PSMD14: variants seen among roughly 807,000 people sequenced by gnomAD.
PSMD14 encodes the protein ubiquitin C-terminal hydrolase PSMD14.
In PSMD14, 7 loss-of-function variants were observed where a neutral mutation model predicts 41.2. The observed-to-expected ratio is 0.17, with a 90% CI of 0.10 to 0.32. The LOEUF (loss-of-function observed/expected upper bound fraction) is 0.32. Among genes scored for constraint, PSMD14 ranks in the 10% least tolerant of loss-of-function variants. The pLI is 1.00. For synonymous variants in PSMD14, 114 were observed against 122.3 expected (o/e 0.93, Z 0.45); for missense variants, 139 against 375.6 (o/e 0.37, Z 5.21).
At position 161,370,183 on chromosome 2, in the gene PSMD14, C is replaced by A. The variant is rs1357970459; in HGVS notation, c.311+6C>A. 6.5e-7 allele frequency: 1 copy of A among 1,546,920 alleles called. No individual in the cohort carries two copies. Among genetic ancestry groups the A allele is most frequent in the Non-Finnish European group, 8.8e-7 (1 of 1,138,258 alleles). The stretch of plus-strand genomic sequence containing the variant: ...ATGTTGAAGCAGACAGGAAGGTAAG[C>A]ATTTTAAATGATCAGTTAAAGAAAT... On this transcript the variant is annotated splice_donor_region_variant and intron_variant, in intron 6 of 11. Coordinates refer to ENST00000409682, the MANE Select transcript of PSMD14 (RefSeq NM_005805.6).
chr2:161,346,162 C>T lies in PSMD14; in HGVS notation c.49-21316C>T, dbSNP rs750489415. ...CCTCCCGAAGTGCTGGGATTATAGGCGTGAGCCACCGTGCTCGGCCATTTA... is the reference window on the plus strand; with the variant it reads ...CCTCCCGAAGTGCTGGGATTATAGGTGTGAGCCACCGTGCTCGGCCATTTA... On this transcript the variant is annotated intron_variant, in intron 3 of 11. Transcript: ENST00000409682. 4.7e-4 allele frequency among the ~76,000 whole-genome samples: 72 copies of T among 152,314 alleles called. 1 individual carries two copies. The highest frequency in any genetic ancestry group is 7.6e-4 in the Non-Finnish European group (52 of 68,034).
At chr2:161,373,908 A>T in intron 7 of PSMD14, among the ~76,000 whole-genome samples, 1 of 151,928 alleles carries the variant, frequency 6.6e-6, no homozygotes, top group Middle Eastern at 3.2e-3. Flanking sequence ...TATTGTGAAT[A>T]ACCATTTCAA....
chr2:161,340,986 T>A, intron 3 of PSMD14: 1 of 1,612,366 alleles, frequency 6.2e-7, no homozygotes, highest in African/African-American at 1.3e-5. Flanking sequence ...CTCCTCTTCC[T>A]GCCTCGCCTC....
intron 7 of PSMD14, among the ~76,000 whole-genome samples, chr2:161,379,456 T>G (rs1683546314): frequency 6.6e-6 from 1 of 152,058 alleles, no homozygotes; most frequent in South Asian, 2.1e-4. Context: ...CTTATTGTAA[T>G]TAGGAATTTC....
At chr2:161,388,184 G>T (rs1683657781) in intron 8 of PSMD14, among the ~76,000 whole-genome samples, 1 of 152,130 alleles carries the variant, frequency 6.6e-6, no homozygotes, top group East Asian at 1.9e-4. Context: ...ATAGATGCAT[G>T]TGCTAAGGCT....
chr2:161,402,549 G>A (rs1683894712), intron 10 of PSMD14, among the ~76,000 whole-genome samples: 1 of 152,066 alleles, frequency 6.6e-6, no homozygotes, highest in African/African-American at 2.4e-5. Context: ...GTTGAGGTGG[G>A]AGGATCACCG....
intron 7 of PSMD14, among the ~76,000 whole-genome samples, chr2:161,376,038 G>A (rs1296529362): frequency 6.6e-6 from 1 of 150,844 alleles, no homozygotes; most frequent in Admixed American, 6.6e-5. Flanking sequence ...AGGTTTTTAA[G>A]TACTCAGTTT....
intron 3 of PSMD14, among the ~76,000 whole-genome samples, chr2:161,359,919 G>A (rs1683265914): frequency 1.3e-5 from 2 of 152,144 alleles, no homozygotes; most frequent in African/African-American, 4.8e-5. Context: ...ATGTATATTT[G>A]ATTACCTCAC....
chr2:161,369,322 A>G (rs973197538), intron 5 of PSMD14, among the ~76,000 whole-genome samples: 1 of 152,080 alleles, frequency 6.6e-6, no homozygotes, highest in Admixed American at 6.6e-5. Flanking sequence ...AACTTTTTCT[A>G]TAAAGACATA....
intron 3 of PSMD14, among the ~76,000 whole-genome samples, chr2:161,346,102 T>C (rs1371114803): frequency 6.6e-6 from 1 of 152,092 alleles, no homozygotes; most frequent in Non-Finnish European, 1.5e-5. Flanking sequence ...AGGCAGTTCT[T>C]GAACTCCTGG....
chr2:161,372,654 T>C (rs1683452284), intron 7 of PSMD14, among the ~76,000 whole-genome samples: 1 of 151,990 alleles, frequency 6.6e-6, no homozygotes, highest in African/African-American at 2.4e-5. Context: ...TATGTGTTGT[T>C]ACTCAACATA....
intron 7 of PSMD14, among the ~76,000 whole-genome samples, chr2:161,376,645 C>T (rs1683507053): frequency 6.6e-6 from 1 of 151,774 alleles, no homozygotes; most frequent in Non-Finnish European, 1.5e-5. Flanking sequence ...AAGATATTTT[C>T]CTTGGGCATG....
chr2:161,367,785 T>C lies in PSMD14; in HGVS notation c.122T>C (p.Met41Thr). The C allele has an allele frequency of 6.2e-7, 1 of 1,613,276 alleles. No individual in the cohort carries two copies. Among genetic ancestry groups the C allele is most frequent in the Non-Finnish European group, 8.5e-7 (1 of 1,179,486 alleles). The change falls in exon 5 of 12, where the codon ATG (methionine) becomes ACG (threonine). Residue 41 changes from methionine (M) to threonine (T), a missense_variant and splice_region_variant. Around this residue, in one of 4 missense-constraint regions of PSMD14, gnomAD observed 24 missense variants for 55.3 expected, o/e 0.43. Coordinates refer to ENST00000409682, the MANE Select transcript of PSMD14 (RefSeq NM_005805.6). ...VYISSLALLK[M>T]LKHGRAGVPM... The stretch of plus-strand genomic sequence containing the variant: ...GTCCACATCTCTTCCTTTCTACAGA[T>C]GTTAAAACATGGCCGTGCTGGAGTT...
chr2:161,361,988 A>G (rs1052695933), intron 3 of PSMD14, among the ~76,000 whole-genome samples: 10 of 151,856 alleles, frequency 6.6e-5, no homozygotes, highest in African/African-American at 1.7e-4. Context: ...TTGATTTCCT[A>G]CTGTTGTTTT....
intron 1 of PSMD14, among the ~76,000 whole-genome samples, chr2:161,313,353 AATTT>A (rs918378057): frequency 8.6e-5 from 13 of 150,768 alleles, no homozygotes; most frequent in Admixed American, 5.3e-4. Flanking sequence ...TTAATTAATT[AATTT>A]ATTTATTTTT....
At chr2:161,340,281 A>G (rs1403850989) in intron 3 of PSMD14, among the ~76,000 whole-genome samples, 3 of 152,136 alleles carry the variant, frequency 2.0e-5, no homozygotes, top group Non-Finnish European at 2.9e-5. Flanking sequence ...ACCCCCGACA[A>G]CCAAGCCAGC....
intron 3 of PSMD14, chr2:161,340,922 G>C: frequency 6.2e-7 from 1 of 1,613,676 alleles, no homozygotes; most frequent in South Asian, 1.1e-5. Flanking sequence ...AGCCTTCTCC[G>C]TCCTCCTCCT....
At chr2:161,348,992 T>C (rs1683082060) in intron 3 of PSMD14, among the ~76,000 whole-genome samples, 1 of 152,188 alleles carries the variant, frequency 6.6e-6, no homozygotes, top group African/African-American at 2.4e-5. Flanking sequence ...ACATACCTGG[T>C]TCATTGGCCT....
chr2:161,368,794 G>A (rs1223052179), intron 5 of PSMD14, among the ~76,000 whole-genome samples: 1 of 151,904 alleles, frequency 6.6e-6, no homozygotes, highest in African/African-American at 2.4e-5. Context: ...CTTTGATAAG[G>A]TAGATGCTGG....
Sources: gnomAD v4.1 joint callset for allele counts (sites outside exome capture counted in the v4.1 genomes callset) on GRCh38, gnomAD v4.1.1 for gene constraint, gnomAD v4.1.1 regional missense constraint, MANE v1.5 for transcripts, NCBI Gene and HGNC (gene_info 2026-07-23, HGNC 2026-07-21) for gene names.